The following WDFY2 variants were observed in gnomAD, a reference collection of about 807,000 sequenced individuals.
WDFY2 encodes the protein WD repeat and FYVE domain-containing protein 2.
In WDFY2, 36 loss-of-function variants were observed where a neutral mutation model predicts 56.4. That is an observed-to-expected ratio of 0.64 (90% confidence interval 0.49 to 0.84). The LOEUF is 0.84. Ranked by LOEUF, WDFY2 falls within the 40% of genes least tolerant of loss-of-function variation. The probability of loss-of-function intolerance (pLI) is 0.00; values close to 1 mark genes in which losing one functional copy is unlikely to be tolerated. For missense variants in WDFY2, 444 were observed against 512.2 expected (o/e 0.87, Z 1.29); for synonymous variants, 176 against 183.7 (o/e 0.96, Z 0.34).
intron 1 of WDFY2, among the ~76,000 whole-genome samples, chr13:51,604,077 G>T (rs932437005): frequency 6.6e-6 from 1 of 152,070 alleles, no homozygotes; most frequent in African/African-American, 2.4e-5. Flanking sequence ...ATCAATTTTT[G>T]TGTGAAATAT....
intron 4 of WDFY2, among the ~76,000 whole-genome samples, chr13:51,704,204 G>C (rs1952040643): frequency 6.6e-6 from 1 of 152,154 alleles, no homozygotes; most frequent in Non-Finnish European, 1.5e-5. Flanking sequence ...CCTTTAATGA[G>C]AGGATGATCA....
At chr13:51,634,826 A>G (rs2138388479) in intron 1 of WDFY2, among the ~76,000 whole-genome samples, 2 of 152,252 alleles carry the variant, frequency 1.3e-5, no homozygotes, top group Middle Eastern at 3.4e-3. Flanking sequence ...AGGGTGCATC[A>G]TGGTTGGGTT....
chr13:51,622,678 T>A (rs1170241938), intron 1 of WDFY2, among the ~76,000 whole-genome samples: 1 of 152,166 alleles, frequency 6.6e-6, no homozygotes, highest in East Asian at 1.9e-4. Context: ...GGCATTATGC[T>A]GGGTTGAAAG....
chr13:51,712,278 C>G (rs1046702158), intron 4 of WDFY2, among the ~76,000 whole-genome samples: 6 of 152,104 alleles, frequency 3.9e-5, no homozygotes, highest in Non-Finnish European at 8.8e-5. Flanking sequence ...TGAGGAACAT[C>G]ACACGCTGGG....
intron 2 of WDFY2, among the ~76,000 whole-genome samples, chr13:51,669,867 G>T (rs2138485946): frequency 6.6e-6 from 1 of 152,164 alleles, no homozygotes; most frequent in Middle Eastern, 3.4e-3. Flanking sequence ...TAAAAGTGGG[G>T]GTCATAAATA....
chr13:51,755,495 T>C (rs1412994238), intron 9 of WDFY2, 36 bp downstream of exon 9: 5 of 1,586,806 alleles, frequency 3.2e-6, no homozygotes, highest in Admixed American at 3.3e-5. Flanking sequence ...AATGTAATTA[T>C]ATGGAAATAG....
chr13:51,708,766 A>G (rs183935845), intron 4 of WDFY2, among the ~76,000 whole-genome samples: 1 of 152,320 alleles, frequency 6.6e-6, no homozygotes, highest in Non-Finnish European at 1.5e-5. Context: ...ATAAACTATA[A>G]GAAGTGTGTT....
intron 1 of WDFY2, among the ~76,000 whole-genome samples, chr13:51,624,926 A>AG (rs1954812202): frequency 6.6e-6 from 1 of 152,230 alleles, no homozygotes. Context: ...AGGCAAGATT[A>AG]GGGGGATGTC....
intron 3 of WDFY2, among the ~76,000 whole-genome samples, chr13:51,699,855 A>T (rs1233118996): frequency 1.3e-5 from 2 of 152,246 alleles, no homozygotes; most frequent in Non-Finnish European, 2.9e-5. Context: ...ATATGGATAT[A>T]CTTGCAAAGA....
chr13:51,676,947 T>C (rs183104428), intron 3 of WDFY2, among the ~76,000 whole-genome samples: 67 of 152,370 alleles, frequency 4.4e-4, no homozygotes, highest in Admixed American at 3.7e-3. Context: ...TAACGCTCAC[T>C]GTCCATGGAA....
intron 1 of WDFY2, among the ~76,000 whole-genome samples, chr13:51,611,826 C>T (rs1022898683): frequency 6.6e-6 from 1 of 152,190 alleles, no homozygotes; most frequent in African/African-American, 2.4e-5. Flanking sequence ...GGAAAGTTCA[C>T]TCCCTTCTGG....
At chr13:51,751,504 A>G (rs758462170) in intron 8 of WDFY2, 89 bp downstream of exon 8, 5 of 1,233,172 alleles carry the variant, frequency 4.1e-6, no homozygotes, top group African/African-American at 3.0e-5. Context: ...TGATTAAACC[A>G]TGAAATAAGG....
intron 1 of WDFY2, among the ~76,000 whole-genome samples, chr13:51,654,249 G>A (rs142756843): frequency 1.3e-5 from 2 of 152,310 alleles, no homozygotes; most frequent in Non-Finnish European, 2.9e-5. Flanking sequence ...TAAGACTGTC[G>A]GAAAAGCACA....
rs1953626380 is a variant in WDFY2 at position 51,762,766 on chromosome 13, A to G, written c.*2997A>G. 6.6e-6 allele frequency: 1 copy of G among 152,218 alleles called. No homozygotes were observed. Among genetic ancestry groups the G allele is most frequent in the Non-Finnish European group, 1.5e-5 (1 of 68,038 alleles). The allele number at this position is 152,218 out of a possible 1,614,324, so 9.4% of individuals were successfully genotyped here. On this transcript the variant is annotated 3_prime_UTR_variant, in exon 12 of 12. Transcript: ENST00000298125. ...TATTTTTGCTCTATTACTTAAACAT[A>G]TAGCAGCTTTTACAAATAATGCCTA...
In WDFY2 at chr13:51,767,328, G is replaced by A. The variant is rs1361190564; in HGVS notation, c.*7559G>A. 1 of 152,242 alleles carries A rather than the reference G, an allele frequency of 6.6e-6. No homozygotes were observed. The highest frequency in any genetic ancestry group is 1.5e-5 in the Non-Finnish European group (1 of 68,054). The allele number at this position is 152,242 out of a possible 1,614,324, so 9.4% of individuals were successfully genotyped here. On this transcript the variant is annotated 3_prime_UTR_variant, in exon 12 of 12. Transcript: ENST00000298125. ...AAATGGAGCTGGTGCTTGCTTGATA[G>A]CGCCTCCTTTTGTCAGAAAGACGCT...
At chr13:51,682,344 A>G (rs1224979963) in intron 3 of WDFY2, among the ~76,000 whole-genome samples, 1 of 152,176 alleles carries the variant, frequency 6.6e-6, no homozygotes, top group Non-Finnish European at 1.5e-5. Context: ...ATAATAACTG[A>G]TGTAATTATT....
chr13:51,610,240 GTT>G (rs375729454), intron 1 of WDFY2, among the ~76,000 whole-genome samples: 3 of 106,942 alleles, frequency 2.8e-5, no homozygotes, highest in Non-Finnish European at 3.7e-5. Flanking sequence ...TTATTTGACT[GTT>G]TTTTTTTTTT....
At chr13:51,697,433 G>GAGC (rs1951898952) in intron 3 of WDFY2, among the ~76,000 whole-genome samples, 1 of 152,088 alleles carries the variant, frequency 6.6e-6, no homozygotes, top group East Asian at 1.9e-4. Flanking sequence ...AGGAGTTCAA[G>GAGC]AGCAGCCTGG....
intron 1 of WDFY2, among the ~76,000 whole-genome samples, chr13:51,649,569 TC>T (rs1184025966): frequency 2.6e-5 from 2 of 77,108 alleles, no homozygotes; most frequent in Admixed American, 1.6e-4. Flanking sequence ...ATGCTATCCC[TC>T]CCCCCACCCC....
Sources: gnomAD v4.1 joint callset for allele counts (sites outside exome capture counted in the v4.1 genomes callset) on GRCh38, gnomAD v4.1.1 for gene constraint, MANE v1.5 for transcripts, NCBI Gene and HGNC (gene_info 2026-07-23, HGNC 2026-07-21) for gene names.